PPP4R4: variants seen among roughly 807,000 people sequenced by gnomAD.
The protein encoded by PPP4R4 is serine/threonine-protein phosphatase 4 regulatory subunit 4.
A neutral mutation model predicts 121.8 loss-of-function variants in PPP4R4; 70 were observed. The ratio of observed to expected loss-of-function variants is 0.57; its 90% CI spans 0.47 to 0.70. The LOEUF (loss-of-function observed/expected upper bound fraction) is 0.70. PPP4R4 is among the 30% of genes least tolerant of loss of function. The pLI is 0.00. For missense variants in PPP4R4, 875 were observed against 1,033.6 expected, an observed-to-expected ratio of 0.85 and a Z score of 2.10; for synonymous variants, 348 against 355.7, an observed-to-expected ratio of 0.98 and a Z score of 0.24.
chr14:94,227,943 T>A, intron 3 of PPP4R4: 1 of 901,316 alleles, frequency 1.1e-6, no homozygotes, highest in Non-Finnish European at 1.3e-6. Flanking sequence ...TTGGGAACAC[T>A]AAAACAAAGG....
rs780740307 is a variant in PPP4R4 at position 94,230,620 on chromosome 14, T to G, written c.328T>G (p.Leu110Val). Residue 110 changes from leucine to valine, a missense_variant, in exon 4 of 25, where the codon TTA becomes GTA. Coordinates refer to ENST00000304338, the MANE Select transcript of PPP4R4 (RefSeq NM_058237.2). Reference sequence around the variant, plus strand: ...GCATGTTGCAGGAGTGGAAATGCAGTTAACGGCTGCGATGTCATTTCTGAC... The same window carrying G: ...GCATGTTGCAGGAGTGGAAATGCAGGTAACGGCTGCGATGTCATTTCTGAC... ...ALHVAGVEMQ[L>V]TAAMSFLTIL... The G allele has an allele frequency of 6.2e-7, 1 of 1,613,132 alleles. No homozygotes were observed. Among genetic ancestry groups the G allele is most frequent in the African/African-American group, 1.3e-5 (1 of 74,934 alleles).
At chr14:94,246,253 A>C (rs550375953) in intron 13 of PPP4R4, 104 bp from the exon 14 acceptor site, 1 of 942,130 alleles carries the variant, frequency 1.1e-6, no homozygotes, top group East Asian at 2.7e-5. Context: ...TAAACTCTGA[A>C]ATGAGAAGGA....
rs145472795 is a variant in PPP4R4, at chr14:94,278,777, A to G, written c.*134A>G. On this transcript the variant is annotated 3_prime_UTR_variant, in exon 25 of 25. Transcript: ENST00000304338. Reference sequence around the variant, plus strand: ...TTTTTTGTTGTTGTTAATGAGCAGAAAGAGAGACATAATGACAGCTGATGT... The same window carrying G: ...TTTTTTGTTGTTGTTAATGAGCAGAGAGAGAGACATAATGACAGCTGATGT... The G allele has an allele frequency of 2.8e-3, 2,117 of 767,808 alleles. 8 individuals carry two copies. The highest frequency in any genetic ancestry group is 3.3e-3 in the Non-Finnish European group (1,733 of 522,692). The allele number at this position is 767,808 out of a possible 1,614,324, so 47.6% of individuals were successfully genotyped here.
At chr14:94,203,135 GA>G (rs1890281459) in intron 2 of PPP4R4, among the ~76,000 whole-genome samples, 1 of 152,150 alleles carries the variant, frequency 6.6e-6, no homozygotes. Context: ...GGATACATAA[GA>G]TTTCCATCAC....
Position 94,279,382 on chromosome 14 carries a change from A to C in PPP4R4, c.*739A>C, listed in dbSNP as rs1894812958. 1 of 152,622 alleles carries C rather than the reference A, an allele frequency of 6.6e-6. No individual in the cohort carries two copies. Among genetic ancestry groups the C allele is most frequent in the Admixed American group, 6.5e-5 (1 of 15,282 alleles). 9.5% of individuals were successfully genotyped at this position (152,622 alleles called of 1,614,324 possible). On this transcript the variant is annotated 3_prime_UTR_variant, in exon 25 of 25. Coordinates refer to ENST00000304338, the MANE Select transcript of PPP4R4 (RefSeq NM_058237.2). Reference sequence around the variant, plus strand: ...TACTTGTCTTTATTTAAAATGATGAATCTAGTCTGAATCAGCTGTTATTCC... The same window carrying C: ...TACTTGTCTTTATTTAAAATGATGACTCTAGTCTGAATCAGCTGTTATTCC...
At chr14:94,175,378 G>C (rs1017006569) in intron 1 of PPP4R4, 7 of 151,804 alleles carry the variant, frequency 4.6e-5, no homozygotes, top group African/African-American at 1.7e-4. Context: ...CCCTTGAGGG[G>C]GTCAAGCTTC....
chr14:94,276,075 T>A (rs1413644954), intron 24 of PPP4R4, among the ~76,000 whole-genome samples: 1 of 152,144 alleles, frequency 6.6e-6, no homozygotes, highest in Non-Finnish European at 1.5e-5. Context: ...GAAGTCTTTC[T>A]TTTACCTTAA....
chr14:94,189,002 G>A (rs1215416224), intron 2 of PPP4R4, among the ~76,000 whole-genome samples: 1 of 152,052 alleles, frequency 6.6e-6, no homozygotes, highest in Non-Finnish European at 1.5e-5. Flanking sequence ...TTCATATATT[G>A]TTGAATGATA....
chr14:94,254,355 G>C (rs1262092812), intron 16 of PPP4R4, among the ~76,000 whole-genome samples: 1 of 152,092 alleles, frequency 6.6e-6, no homozygotes, highest in Non-Finnish European at 1.5e-5. Flanking sequence ...AAAGACTCTT[G>C]GTATTCAGAG....
intron 12 of PPP4R4, 36 bp from the exon 13 acceptor site, chr14:94,245,551 A>C: frequency 8.9e-7 from 1 of 1,123,306 alleles, no homozygotes; most frequent in Non-Finnish European, 1.2e-6. Context: ...AAAACATAGT[A>C]ATCACTATAA....
chr14:94,193,862 A>G (rs1567107991), intron 2 of PPP4R4, among the ~76,000 whole-genome samples: 1 of 152,224 alleles, frequency 6.6e-6, no homozygotes, highest in Non-Finnish European at 1.5e-5. Context: ...ATTTTAACAA[A>G]TATTTATGAA....
At chr14:94,193,503 A>G (rs1184310972) in intron 2 of PPP4R4, among the ~76,000 whole-genome samples, 1 of 152,198 alleles carries the variant, frequency 6.6e-6, no homozygotes, top group East Asian at 1.9e-4. Context: ...TATTAGCACA[A>G]TGCCTGGCTT....
intron 12 of PPP4R4, among the ~76,000 whole-genome samples, chr14:94,245,019 C>G (rs938836831): frequency 2.0e-5 from 3 of 151,844 alleles, no homozygotes; most frequent in African/African-American, 7.3e-5. Flanking sequence ...TATTTGTTTT[C>G]TTTTTCTTTT....
intron 2 of PPP4R4, among the ~76,000 whole-genome samples, chr14:94,199,448 T>C (rs1241615101): frequency 6.6e-6 from 1 of 152,178 alleles, no homozygotes; most frequent in Non-Finnish European, 1.5e-5. Flanking sequence ...CAGGGTGCTC[T>C]TTCAGTTTTG....
chr14:94,251,782 T>G lies in PPP4R4; in HGVS notation c.1751T>G (p.Leu584Arg). The G allele has an allele frequency of 6.3e-7, 1 of 1,580,240 alleles. No individual in the cohort carries two copies. Among genetic ancestry groups the G allele is most frequent in the Non-Finnish European group, 8.6e-7 (1 of 1,166,768 alleles). The change falls in exon 16 of 25, where the codon CTT becomes CGT. Residue 584 changes from leucine (L) to arginine (R), a missense_variant. Physicochemically the swap from Leu to Arg is moderately radical, Grantham distance 102. Coordinates refer to ENST00000304338, the MANE Select transcript of PPP4R4 (RefSeq NM_058237.2). The part of the protein sequence containing the change: ...LGQGKSYWNR[L>R]RFLDTCEFII... The stretch of plus-strand genomic sequence containing the variant: ...CAAGGAAAAAGTTACTGGAATAGAC[T>G]TCGATTTTTGGATACCTGTGAATTT...
At chr14:94,242,074 A>G in intron 10 of PPP4R4, 117 bp downstream of exon 10, 3 of 1,166,622 alleles carry the variant, frequency 2.6e-6, no homozygotes, top group South Asian at 1.4e-5. Flanking sequence ...TATGTCTAGC[A>G]TACATAGTAT....
In PPP4R4 at chr14:94,233,634, C is replaced by T. The variant is rs2139540638; in HGVS notation, c.517-19C>T. ...TGTATAAAATTTTGTGAATTTTTTTCTCTAAATTTTCTCTTTAGATTTTGA... is the reference window on the plus strand; with the variant it reads ...TGTATAAAATTTTGTGAATTTTTTTTTCTAAATTTTCTCTTTAGATTTTGA... On this transcript the variant is annotated intron_variant, in intron 5 of 24. Coordinates refer to ENST00000304338, the MANE Select transcript of PPP4R4 (RefSeq NM_058237.2). 2.0e-6 allele frequency: 3 copies of T among 1,489,056 alleles called. No individual in the cohort carries two copies. Among genetic ancestry groups the T allele is most frequent in the Non-Finnish European group, 2.8e-6 (3 of 1,079,450 alleles). 92.2% of individuals were successfully genotyped at this position (1,489,056 alleles called of 1,614,324 possible). A position where few individuals can be genotyped will look rare whatever the true frequency, so the allele number is the denominator to read the frequency against.
intron 7 of PPP4R4, among the ~76,000 whole-genome samples, chr14:94,237,242 T>G (rs1023767123): frequency 2.0e-5 from 3 of 152,142 alleles, no homozygotes; most frequent in Non-Finnish European, 4.4e-5. Context: ...TTAGTCCAGA[T>G]TTTTGCTGAA....
At chr14:94,245,360 G>C (rs951521022) in intron 12 of PPP4R4, among the ~76,000 whole-genome samples, 1 of 152,128 alleles carries the variant, frequency 6.6e-6, no homozygotes, top group African/African-American at 2.4e-5. Context: ...TTTGGACAAT[G>C]TCAAGAGGCA....
Sources: allele counts gnomAD v4.1 joint callset (sites outside exome capture counted in the v4.1 genomes callset), GRCh38; gene constraint gnomAD v4.1.1; transcripts MANE v1.5; gene names NCBI Gene and HGNC (gene_info 2026-07-23, HGNC 2026-07-21).